SLC5A8: variants seen among roughly 807,000 people sequenced by gnomAD.
SLC5A8 encodes the protein sodium-coupled monocarboxylate transporter 1.
In SLC5A8, 55 loss-of-function variants were observed where a neutral mutation model predicts 71.9. The observed-to-expected ratio is 0.77, with a 90% CI of 0.62 to 0.96. The LOEUF (loss-of-function observed/expected upper bound fraction) is 0.96. Among genes scored for constraint, SLC5A8 ranks in the 40% least tolerant of loss-of-function variants. The probability of loss-of-function intolerance (pLI) is 0.00; values close to 1 mark genes in which losing one functional copy is unlikely to be tolerated. For missense variants in SLC5A8, 701 were observed against 745.3 expected (o/e 0.94, Z 0.69); for synonymous variants, 307 against 276.1 (o/e 1.11, Z -1.11).
At chr12:101,180,294 T>C (rs2051920246) in intron 9 of SLC5A8, among the ~76,000 whole-genome samples, 198 bp from the exon 10 acceptor site, 1 of 152,200 alleles carries the variant, frequency 6.6e-6, no homozygotes, top group Admixed American at 6.5e-5. Flanking sequence ...GACGAAGCCC[T>C]TACATTGTGT....
At position 101,191,937 on chromosome 12, in the gene SLC5A8, C is replaced by T. The variant is rs557078730; in HGVS notation, c.693-1329G>A. 2.0e-5 allele frequency among the ~76,000 whole-genome samples: 3 copies of T among 152,164 alleles called. No individual in the cohort carries two copies. The South Asian group carries it at 6.2e-4, about 32-fold the overall frequency. On this transcript the variant is annotated intron_variant, in intron 5 of 14. Coordinates refer to ENST00000536262, the MANE Select transcript of SLC5A8 (RefSeq NM_145913.5). ...CACTTCTGTGCTCCAATATATGTAT[C>T]CTTCATATAAAGTGACAGCTATCTT...
chr12:101,183,023 A>C, intron 8 of SLC5A8, 108 bp from the exon 9 acceptor site: 1 of 153,068 alleles, frequency 6.5e-6, no homozygotes. Context: ...ATATAACCTG[A>C]TTTCTACTAT....
intron 10 of SLC5A8, among the ~76,000 whole-genome samples, chr12:101,169,964 A>C (rs1015580860): frequency 1.3e-5 from 2 of 152,218 alleles, no homozygotes; most frequent in African/African-American, 4.8e-5. Flanking sequence ...GCAGAAGGGA[A>C]TGCAAATGTA....
At chr12:101,185,878 G>T (rs1473014358) in intron 7 of SLC5A8, among the ~76,000 whole-genome samples, 2 of 152,078 alleles carry the variant, frequency 1.3e-5, no homozygotes, top group Non-Finnish European at 2.9e-5. Flanking sequence ...ACGACTGAGC[G>T]AGGATAAGGT....
chr12:101,163,814 C>A (rs983618739), intron 12 of SLC5A8, among the ~76,000 whole-genome samples: 1 of 152,174 alleles, frequency 6.6e-6, no homozygotes, highest in Non-Finnish European at 1.5e-5. Context: ...AATAGACCCA[C>A]AGAAAAATAG....
chr12:101,191,874 C>CT (rs1368979613), intron 5 of SLC5A8, among the ~76,000 whole-genome samples: 2 of 152,134 alleles, frequency 1.3e-5, no homozygotes, highest in Non-Finnish European at 2.9e-5. Flanking sequence ...AATGTTTAAT[C>CT]TTTTTTTAAA....
intron 9 of SLC5A8, 105 bp from the exon 10 acceptor site, chr12:101,180,201 G>T: frequency 8.4e-7 from 1 of 1,189,446 alleles, no homozygotes; most frequent in Non-Finnish European, 1.3e-6. Flanking sequence ...TAATATGACT[G>T]TGGTGAAGAA....
At chr12:101,162,136 A>G in intron 12 of SLC5A8, 59 bp from the exon 13 acceptor site, 1 of 1,096,956 alleles carries the variant, frequency 9.1e-7, no homozygotes, top group Non-Finnish European at 1.4e-6. Context: ...AACTACCAGT[A>G]TATACCAGTG....
At chr12:101,205,344 A>G (rs1314653524) in intron 1 of SLC5A8, among the ~76,000 whole-genome samples, 1 of 152,156 alleles carries the variant, frequency 6.6e-6, no homozygotes, top group Non-Finnish European at 1.5e-5. Flanking sequence ...GTTTCTGTTC[A>G]GTGCCAATGA....
intron 3 of SLC5A8, among the ~76,000 whole-genome samples, chr12:101,198,556 A>G (rs1320607248): frequency 6.6e-6 from 1 of 150,702 alleles, no homozygotes; most frequent in Non-Finnish European, 1.5e-5. Flanking sequence ...GCATTCCCTA[A>G]AAAATACAAT....
At chr12:101,161,328 A>G (rs942680908) in intron 13 of SLC5A8, among the ~76,000 whole-genome samples, 1 of 152,176 alleles carries the variant, frequency 6.6e-6, no homozygotes, top group Admixed American at 6.5e-5. Flanking sequence ...AGAAAACCCA[A>G]CACAGGAACA....
chr12:101,178,384 C>T (rs1398884568), intron 10 of SLC5A8, among the ~76,000 whole-genome samples: 1 of 152,016 alleles, frequency 6.6e-6, no homozygotes, highest in Non-Finnish European at 1.5e-5. Flanking sequence ...AGGAATCGAT[C>T]GACCTGATCT....
intron 13 of SLC5A8, 124 bp from the exon 14 acceptor site, chr12:101,158,452 G>A (rs1396678350): frequency 9.4e-6 from 6 of 640,740 alleles, no homozygotes; most frequent in Non-Finnish European, 1.6e-5. Context: ...AAAACACAAA[G>A]AGAAAGGGAA....
chr12:101,190,486 C>T lies in SLC5A8; in HGVS notation c.815G>A (p.Ser272Asn), dbSNP rs758910845. The change falls in exon 6 of 15, where the codon AGC becomes AAC. Residue 272 changes from serine to asparagine, a missense_variant. Physicochemically the swap from Ser to Asn is conservative, Grantham distance 46 (BLOSUM62 1). Transcript: ENST00000536262. ...GACTTACAGTTTTGCCTGGAATCTG[C>T]TTTTACAAGAAATATATCTCTGCAC... is the stretch of plus-strand genomic sequence containing the variant. ...SQVQRYISCKSRFQAKLSLYI... is the reference protein window; with the variant it reads ...SQVQRYISCKNRFQAKLSLYI... The T allele has an allele frequency of 5.6e-6, 9 of 1,612,192 alleles. No homozygotes were observed. The South Asian group carries it at 7.7e-5, about 14-fold the overall frequency.
chr12:101,200,043 AAAAAAAAAAAAG>A (rs1350074509), intron 3 of SLC5A8, among the ~76,000 whole-genome samples: 3 of 102,324 alleles, frequency 2.9e-5, no homozygotes, highest in African/African-American at 1.3e-4. Context: ...AAAAAAAAAA[AAAAAAAAAAAAG>A]GGAATGAACT....
intron 10 of SLC5A8, among the ~76,000 whole-genome samples, chr12:101,174,860 GAAGGT>G (rs1367796310): frequency 6.6e-6 from 1 of 152,176 alleles, no homozygotes; most frequent in Non-Finnish European, 1.5e-5. Flanking sequence ...GGCTAAAACA[GAAGGT>G]AAGATTCAAA....
intron 5 of SLC5A8, among the ~76,000 whole-genome samples, chr12:101,190,979 G>C (rs973841479): frequency 1.3e-5 from 2 of 152,092 alleles, no homozygotes; most frequent in African/African-American, 4.8e-5. Context: ...ACATTCCTAA[G>C]TGCACCACAG....
intron 1 of SLC5A8, among the ~76,000 whole-genome samples, chr12:101,208,138 G>T (rs560498506): frequency 8.2e-4 from 124 of 152,138 alleles, no homozygotes; most frequent in South Asian, 3.5e-3. Context: ...TTGGTCTGGG[G>T]AATTTCGCCA....
intron 7 of SLC5A8, among the ~76,000 whole-genome samples, chr12:101,186,964 T>C (rs544523953): frequency 6.6e-6 from 1 of 152,180 alleles, no homozygotes; most frequent in Non-Finnish European, 1.5e-5. Context: ...TATTCACTTA[T>C]TGGATCCATC....
Sources: gnomAD v4.1 joint callset for allele counts (sites outside exome capture counted in the v4.1 genomes callset) on GRCh38, gnomAD v4.1.1 for gene constraint, MANE v1.5 for transcripts, NCBI Gene and HGNC (gene_info 2026-07-23, HGNC 2026-07-21) for gene names.